The following QKI variants were observed in gnomAD, a reference collection of about 807,000 sequenced individuals.
QKI encodes the protein QKI, KH domain containing RNA binding, also known as KH domain-containing RNA-binding protein QKI.
QKI carries 10 observed loss-of-function variants against 39.0 expected under a neutral mutation model. The observed-to-expected ratio is 0.26, with a 90% CI of 0.16 to 0.43. QKI has a LOEUF of 0.43. QKI is among the 20% of genes least tolerant of loss of function. The pLI is 1.00. For synonymous variants in QKI, 204 were observed against 155.4 expected (o/e 1.31, Z -2.33); for missense variants, 218 against 428.0 (o/e 0.51, Z 4.33).
At chr6:163,450,412 T>C (rs1184155267) in intron 1 of QKI, among the ~76,000 whole-genome samples, 1 of 152,136 alleles carries the variant, frequency 6.6e-6, no homozygotes, top group African/African-American at 2.4e-5. Flanking sequence ...GCACGTACAA[T>C]AATTTGGATA....
chr6:163,446,699 CTT>C (rs1163010739), intron 1 of QKI, among the ~76,000 whole-genome samples: 1 of 152,082 alleles, frequency 6.6e-6, no homozygotes, highest in Non-Finnish European at 1.5e-5. Context: ...AAAGTAAACT[CTT>C]TTTTGGTAAG....
intron 4 of QKI, among the ~76,000 whole-genome samples, chr6:163,539,825 T>G (rs949662780): frequency 1.3e-5 from 2 of 152,184 alleles, no homozygotes; most frequent in Non-Finnish European, 2.9e-5. Context: ...AATGCCTATT[T>G]CTCAACACAC....
chr6:163,499,824 A>G (rs1028602131), intron 3 of QKI, among the ~76,000 whole-genome samples: 2 of 152,154 alleles, frequency 1.3e-5, no homozygotes, highest in African/African-American at 4.8e-5. Context: ...TCTTGCTCTC[A>G]TGGAGCATAA....
At chr6:163,551,157 C>G (rs971288826) in intron 4 of QKI, among the ~76,000 whole-genome samples, 1 of 152,166 alleles carries the variant, frequency 6.6e-6, no homozygotes, top group African/African-American at 2.4e-5. Context: ...CTACTATACT[C>G]TCACAACACC....
intron 7 of QKI, chr6:163,570,215 C>T (rs1783618818): frequency 2.0e-6 from 2 of 982,892 alleles, no homozygotes; most frequent in Non-Finnish European, 2.4e-6. Flanking sequence ...AGATTCATTT[C>T]TGTTAATCAT....
chr6:163,540,072 T>C (rs1457158646), intron 4 of QKI, among the ~76,000 whole-genome samples: 6 of 152,032 alleles, frequency 3.9e-5, no homozygotes, highest in Non-Finnish European at 8.8e-5. Context: ...ATGGGAAATA[T>C]TCCATTTACA....
Position 163,556,202 on chromosome 6 carries a change from T to TGG in QKI, c.547-5780_547-5779insGG, listed in dbSNP as rs1782595290. 2.0e-5 allele frequency among the ~76,000 whole-genome samples: 3 copies of TGG among 152,326 alleles called. No individual in the cohort carries two copies. In the South Asian group the frequency reaches 6.2e-4, roughly 32 times the overall value. ...TAAACGTGACCTGTTTGTATCCTTT[T>TGG]AACATAGCTGTTAAACATAGTTGAT... On this transcript the variant is annotated intron_variant, in intron 4 of 7. Transcript: ENST00000361752.
intron 7 of QKI, chr6:163,568,304 A>G (rs377045098): frequency 1.0e-6 from 1 of 985,116 alleles, no homozygotes; most frequent in African/African-American, 1.7e-5. Context: ...ATTTCTCACC[A>G]TTTTGCTTTA....
At chr6:163,426,983 T>G (rs532806067) in intron 1 of QKI, among the ~76,000 whole-genome samples, 3 of 152,316 alleles carry the variant, frequency 2.0e-5, no homozygotes, top group African/African-American at 7.2e-5. Flanking sequence ...CTGTGTCTGT[T>G]GAACTGCTGC....
chr6:163,434,525 C>T (rs1370939768), intron 1 of QKI, among the ~76,000 whole-genome samples: 6 of 151,926 alleles, frequency 3.9e-5, no homozygotes, highest in Admixed American at 2.6e-4. Context: ...ACCATCCTGG[C>T]TAACACAGTG....
At position 163,525,327 on chromosome 6, in the gene QKI, C is replaced by CCT. The variant is rs565887847; in HGVS notation, c.403-9644_403-9643dup. Reference sequence around the variant, plus strand: ...CCCCTCTCTCCTCTTTTCTCTCTCTCCTCTCTCTCTCTTCTTTCTTCTTTC... The same window carrying CCT: ...CCCCTCTCTCCTCTTTTCTCTCTCTCCTCTCTCTCTCTCTTCTTTCTTCTTTC... On this transcript the variant is annotated intron_variant, in intron 3 of 7. Transcript: ENST00000361752. Among the ~76,000 whole-genome samples, 439 of 145,904 alleles carry CCT rather than the reference C, an allele frequency of 3.0e-3. 3 individuals are homozygous for CCT. Among genetic ancestry groups the CCT allele is most frequent in the African/African-American group, 0.011 (413 of 39,258 alleles).
At chr6:163,513,608 T>C (rs1761684110) in intron 3 of QKI, among the ~76,000 whole-genome samples, 1 of 152,188 alleles carries the variant, frequency 6.6e-6, no homozygotes, top group Admixed American at 6.5e-5. Flanking sequence ...TTTCACAACA[T>C]ACAGCAATCT....
intron 3 of QKI, among the ~76,000 whole-genome samples, chr6:163,498,286 A>C (rs910267185): frequency 1.3e-5 from 2 of 152,132 alleles, no homozygotes; most frequent in Non-Finnish European, 2.9e-5. Flanking sequence ...GCACAGATAA[A>C]GACCATTCTC....
chr6:163,575,792 A>AT lies in QKI; in HGVS notation c.*5083dup, dbSNP rs909750462. ...GCTCACTACCAAATCAAGACTCTTC[A>AT]TATATATACGTGTGTGTATATATAT... On this transcript the variant is annotated 3_prime_UTR_variant, in exon 8 of 8. Transcript: ENST00000361752. The AT allele has an allele frequency of 6.6e-6, 1 of 150,902 alleles. No homozygotes were observed. The highest frequency in any genetic ancestry group is 2.5e-5 in the African/African-American group (1 of 40,410). The allele number at this position is 150,902 out of a possible 1,614,324, so 9.3% of individuals were successfully genotyped here.
intron 1 of QKI, among the ~76,000 whole-genome samples, chr6:163,437,768 C>G (rs1789428833): frequency 6.6e-6 from 1 of 152,118 alleles, no homozygotes; most frequent in African/African-American, 2.4e-5. Flanking sequence ...AATATACCTT[C>G]CAAACTTGTG....
At chr6:163,421,467 A>G (rs776653789) in intron 1 of QKI, among the ~76,000 whole-genome samples, 7 of 152,202 alleles carry the variant, frequency 4.6e-5, no homozygotes, top group Non-Finnish European at 8.8e-5. Context: ...AAAAGTCCCC[A>G]CATATATAGT....
chr6:163,550,798 T>A (rs571269603), intron 4 of QKI, among the ~76,000 whole-genome samples: 28 of 151,898 alleles, frequency 1.8e-4, no homozygotes, highest in African/African-American at 6.5e-4. Context: ...TACAAAAAAT[T>A]AGCCGGGCAT....
At chr6:163,465,589 A>C (rs1305047341) in intron 2 of QKI, among the ~76,000 whole-genome samples, 1 of 149,658 alleles carries the variant, frequency 6.7e-6, no homozygotes, top group African/African-American at 2.5e-5. Flanking sequence ...AGATTGCACC[A>C]TTGCACTCCA....
intron 3 of QKI, among the ~76,000 whole-genome samples, chr6:163,512,499 T>A (rs941690035): frequency 6.6e-6 from 1 of 152,048 alleles, no homozygotes; most frequent in East Asian, 1.9e-4. Flanking sequence ...CTTGAAAATA[T>A]ATAAAGCAAA....
Sources: allele counts gnomAD v4.1 joint callset (sites outside exome capture counted in the v4.1 genomes callset), GRCh38; gene constraint gnomAD v4.1.1; transcripts MANE v1.5; gene names NCBI Gene and HGNC (gene_info 2026-07-23, HGNC 2026-07-21).